The following CCDC178 variants were observed in gnomAD, a reference collection of about 807,000 sequenced individuals.
CCDC178 encodes the protein coiled-coil domain containing 178, also known as coiled-coil domain-containing protein 178.
In CCDC178, 126 loss-of-function variants were observed where a neutral mutation model predicts 117.4. The observed-to-expected ratio is 1.07, with a 90% CI of 0.93 to 1.24. The LOEUF is 1.24. CCDC178 is among the 50% of genes most tolerant of loss of function. CCDC178 has a pLI of 0.00. For synonymous variants in CCDC178, 283 were observed against 313.4 expected, an observed-to-expected ratio of 0.90 and a Z score of 1.02; for missense variants, 1,030 against 986.9, an observed-to-expected ratio of 1.04 and a Z score of -0.59.
At chr18:33,010,251 C>T (rs1223838012) in intron 21 of CCDC178, among the ~76,000 whole-genome samples, 2 of 152,050 alleles carry the variant, frequency 1.3e-5, no homozygotes, top group Non-Finnish European at 2.9e-5. Flanking sequence ...TCATAATGGG[C>T]TACTGATCAG....
chr18:33,198,361 A>G (rs950542157), intron 20 of CCDC178, among the ~76,000 whole-genome samples: 4 of 152,140 alleles, frequency 2.6e-5, no homozygotes, highest in African/African-American at 9.7e-5. Context: ...ACTAAAAACA[A>G]TTTCCTGGCT....
chr18:33,140,879 C>T (rs1481364241), intron 20 of CCDC178, among the ~76,000 whole-genome samples: 2 of 152,078 alleles, frequency 1.3e-5, no homozygotes. Context: ...GGATTATAAC[C>T]CTCACAATTC....
chr18:32,958,837 C>T (rs1200524584), intron 22 of CCDC178, among the ~76,000 whole-genome samples: 2 of 152,160 alleles, frequency 1.3e-5, no homozygotes, highest in Non-Finnish European at 2.9e-5. Flanking sequence ...AGGGCTCAAA[C>T]TGAAGTGACC....
Position 33,051,482 on chromosome 18 carries a change from C to G in CCDC178, c.2388+41279G>C, listed in dbSNP as rs1179496161. Among the ~76,000 whole-genome samples the G allele has an allele frequency of 2.6e-5, 4 of 152,172 alleles. No individual in the cohort carries two copies. In the East Asian group the frequency reaches 7.7e-4, roughly 29 times the overall value. ...TCACTTTTCTATAAATACAAGTGGA[C>G]TTGAATTTATGTGATGCTCACCCTT... On this transcript the variant is annotated intron_variant, in intron 21 of 22. Coordinates refer to ENST00000383096, the MANE Select transcript of CCDC178 (RefSeq NM_001105528.4).
chr18:33,347,544 T>G (rs1360937520), intron 8 of CCDC178, among the ~76,000 whole-genome samples: 3 of 152,154 alleles, frequency 2.0e-5, no homozygotes, highest in Non-Finnish European at 4.4e-5. Flanking sequence ...TGTTTTCTTT[T>G]GTCAAATTCT....
At chr18:33,401,889 C>T (rs1255895726) in intron 3 of CCDC178, among the ~76,000 whole-genome samples, 8 of 151,868 alleles carry the variant, frequency 5.3e-5, no homozygotes, top group African/African-American at 1.2e-4. Flanking sequence ...ATTAAATGAA[C>T]ACATGGAAAT....
At chr18:32,983,747 G>A (rs2055202763) in intron 21 of CCDC178, among the ~76,000 whole-genome samples, 2 of 151,988 alleles carry the variant, frequency 1.3e-5, no homozygotes, top group South Asian at 2.1e-4. Context: ...AGCACACTGC[G>A]TTTCTCAATT....
chr18:33,228,120 T>C (rs374901313), intron 15 of CCDC178, among the ~76,000 whole-genome samples: 18 of 152,308 alleles, frequency 1.2e-4, no homozygotes, highest in African/African-American at 4.3e-4. Context: ...GTGTTTTATG[T>C]GTTAGAGAAA....
intron 12 of CCDC178, among the ~76,000 whole-genome samples, chr18:33,291,270 A>T (rs750410181): frequency 1.2e-4 from 18 of 152,196 alleles, no homozygotes; most frequent in Admixed American, 9.2e-4. Context: ...CTTCATCAGA[A>T]GTTACCATAA....
intron 21 of CCDC178, among the ~76,000 whole-genome samples, chr18:33,086,969 GACACACACACACACAC>G (rs71949744): frequency 2.5e-4 from 31 of 124,124 alleles, no homozygotes; most frequent in Admixed American, 1.0e-3. Context: ...GCTATTGGTT[GACACACACACACACAC>G]ACACACACAC....
intron 20 of CCDC178, among the ~76,000 whole-genome samples, chr18:33,142,030 CAACA>C (rs1285751609): frequency 6.6e-6 from 1 of 152,140 alleles, no homozygotes; most frequent in African/African-American, 2.4e-5. Flanking sequence ...AAATATATAA[CAACA>C]AACAAATAAA....
intron 21 of CCDC178, among the ~76,000 whole-genome samples, chr18:33,027,665 A>T (rs1001690707): frequency 6.6e-6 from 1 of 151,778 alleles, no homozygotes; most frequent in East Asian, 1.9e-4. Flanking sequence ...CCTGGAAGAT[A>T]TATCAATTCT....
intron 20 of CCDC178, among the ~76,000 whole-genome samples, chr18:33,118,813 A>C (rs1330148287): frequency 6.6e-6 from 1 of 152,162 alleles, no homozygotes; most frequent in Non-Finnish European, 1.5e-5. Context: ...ACAGTAACCA[A>C]AACAGCATGG....
In CCDC178 at chr18:33,223,147, T is replaced by C. The variant is rs759170810; in HGVS notation, c.1891A>G (p.Lys631Glu). 1.9e-6 allele frequency: 3 copies of C among 1,607,300 alleles called. No homozygotes were observed. Among genetic ancestry groups the C allele is most frequent in the Middle Eastern group, 1.7e-4 (1 of 6,022 alleles). Reference protein sequence around the residue: ...KVGKVKKKLRKKGKKTLDALI... With the variant: ...KVGKVKKKLREKGKKTLDALI... ...GCATCAAGGGTTTTCTTCCCCTTTT[T>C]TCGTAATTTTTTCTTTACTTTTCCC... Residue 631 changes from lysine (K) to glutamate (E), a missense_variant, in exon 18 of 23, where the codon AAA becomes GAA. Coordinates refer to ENST00000383096, the MANE Select transcript of CCDC178 (RefSeq NM_001105528.4).
At chr18:33,415,575 A>G (rs1026137718) in intron 2 of CCDC178, among the ~76,000 whole-genome samples, 2 of 152,104 alleles carry the variant, frequency 1.3e-5, no homozygotes, top group East Asian at 3.9e-4. Context: ...GGGGGATAGC[A>G]TTAGGAGATA....
At chr18:33,193,264 C>CAAAAA (rs59092607) in intron 20 of CCDC178, among the ~76,000 whole-genome samples, 31 of 77,172 alleles carry the variant, frequency 4.0e-4, no homozygotes, top group East Asian at 1.4e-3. Context: ...CTCCGTCTCA[C>CAAAAA]AAAAAAAAAA....
chr18:33,258,108 A>G (rs1283916074), intron 14 of CCDC178, among the ~76,000 whole-genome samples: 1 of 152,144 alleles, frequency 6.6e-6, no homozygotes, highest in African/African-American at 2.4e-5. Context: ...ATTACCAAAA[A>G]AAGCCTTCCA....
At chr18:33,064,522 T>C (rs1400483620) in intron 21 of CCDC178, among the ~76,000 whole-genome samples, 1 of 152,172 alleles carries the variant, frequency 6.6e-6, no homozygotes, top group Non-Finnish European at 1.5e-5. Context: ...CAGTGAGATA[T>C]CCCCTCATTC....
intron 11 of CCDC178, among the ~76,000 whole-genome samples, chr18:33,301,670 G>T (rs1248948914): frequency 6.6e-6 from 1 of 152,222 alleles, no homozygotes; most frequent in Non-Finnish European, 1.5e-5. Flanking sequence ...TTTAGTGACT[G>T]CCCTGTTGGA....
Sources: allele counts gnomAD v4.1 joint callset (sites outside exome capture counted in the v4.1 genomes callset), GRCh38; gene constraint gnomAD v4.1.1; transcripts MANE v1.5; gene names NCBI Gene and HGNC (gene_info 2026-07-23, HGNC 2026-07-21).